The following KLF8 variants were observed in gnomAD, a reference collection of about 807,000 sequenced individuals.
The protein encoded by KLF8 is KLF transcription factor 8.
A neutral mutation model predicts 18.2 loss-of-function variants in KLF8; 10 were observed. The ratio of observed to expected loss-of-function variants is 0.55; its 90% CI spans 0.34 to 0.93. KLF8 has a LOEUF of 0.93. Among genes scored for constraint, KLF8 ranks in the 40% least tolerant of loss-of-function variants. KLF8 has a pLI of 0.02. For synonymous variants in KLF8, 109 were observed against 97.3 expected (o/e 1.12, Z -0.71); for missense variants, 264 against 277.9 (o/e 0.95, Z 0.36).
chrX:56,268,977 G>A, intron 3 of KLF8: 2 of 921,014 alleles, frequency 2.2e-6, no homozygotes, highest in South Asian at 4.9e-5. Context: ...TTTTAGGACA[G>A]CCAGGAGCTA....
At chrX:56,052,287 T>C in the KLF8 span, among the ~76,000 whole-genome samples, 1 of 112,565 alleles carries the variant, frequency 8.9e-6, no homozygotes. Flanking sequence ...TCATTCTCCA[T>C]CCAGCTTTGT....
Position 56,290,819 on chromosome X carries a change from G to C in KLF8, c.*6325G>C, listed in dbSNP as rs1475454768. On this transcript the variant is annotated 3_prime_UTR_variant, in exon 6 of 6. Transcript: ENST00000468660. ...AGGATGGGATTTATACCAGTGGCAG[G>C]ATATTTCTCTGTTTTCCAAACACTG... Among the ~76,000 whole-genome samples, 4 of 111,499 alleles carry C rather than the reference G, an allele frequency of 3.6e-5. No individual in the cohort carries two copies. The highest frequency in any genetic ancestry group is 7.5e-5 in the Non-Finnish European group (4 of 53,055).
the KLF8 span, among the ~76,000 whole-genome samples, chrX:55,943,761 A>C: frequency 8.9e-6 from 1 of 112,156 alleles, no homozygotes; most frequent in African/African-American, 3.2e-5. Context: ...GCTGTAATTA[A>C]AAACAACTTC....
chrX:56,278,648 T>C (rs183652036), intron 5 of KLF8, among the ~76,000 whole-genome samples: 8 of 111,601 alleles, frequency 7.2e-5, no homozygotes, highest in Admixed American at 4.8e-4. Flanking sequence ...CACTGCCTTA[T>C]CTGATCCAGC....
chrX:56,162,234 G>A, the KLF8 span, among the ~76,000 whole-genome samples: 3 of 112,174 alleles, frequency 2.7e-5, no homozygotes, highest in East Asian at 5.6e-4. Context: ...CACTTGCGGA[G>A]GCAGTCTGTC....
chrX:56,274,018 C>T (rs1254508156), intron 5 of KLF8, among the ~76,000 whole-genome samples: 1 of 111,970 alleles, frequency 8.9e-6, no homozygotes, highest in Non-Finnish European at 1.9e-5. Context: ...TACTGATTTC[C>T]TTTCTTTTGG....
chrX:56,079,996 G>T, the KLF8 span, among the ~76,000 whole-genome samples: 6 of 110,600 alleles, frequency 5.4e-5, no homozygotes, highest in African/African-American at 9.9e-5. Context: ...TTTTCCATTT[G>T]CTTGGTAGAT....
chrX:56,078,002 A>T, the KLF8 span, among the ~76,000 whole-genome samples: 1 of 109,590 alleles, frequency 9.1e-6, no homozygotes, highest in African/African-American at 3.5e-5. Flanking sequence ...GTATCCTGAG[A>T]CTTTGCTGAA....
the KLF8 span, among the ~76,000 whole-genome samples, chrX:56,154,097 A>G: frequency 9.0e-6 from 1 of 111,170 alleles, no homozygotes; most frequent in Non-Finnish European, 1.9e-5. Flanking sequence ...GTTCATATGG[A>G]ACCAAAAAAA....
At chrX:55,947,457 A>T in the KLF8 span, among the ~76,000 whole-genome samples, 1 of 92,418 alleles carries the variant, frequency 1.1e-5, no homozygotes, top group Non-Finnish European at 2.1e-5. Flanking sequence ...TGGACACAGG[A>T]AGGGGAACAT....
the KLF8 span, among the ~76,000 whole-genome samples, chrX:56,197,782 A>G: frequency 9.0e-6 from 1 of 111,115 alleles, no homozygotes; most frequent in Non-Finnish European, 1.9e-5. Flanking sequence ...GAGACACAAC[A>G]AAAAAAAGAG....
At chrX:56,154,998 C>T in the KLF8 span, among the ~76,000 whole-genome samples, 1 of 112,064 alleles carries the variant, frequency 8.9e-6, no homozygotes, top group Non-Finnish European at 1.9e-5. Context: ...CACTTTTACA[C>T]TGTTGGTGGG....
chrX:55,959,805 G>T, the KLF8 span, among the ~76,000 whole-genome samples: 1 of 111,430 alleles, frequency 9.0e-6, no homozygotes, highest in African/African-American at 3.3e-5. Flanking sequence ...CAAGCAACTT[G>T]GAAAACATAT....
At chrX:56,272,762 A>T (rs762387877) in intron 5 of KLF8, among the ~76,000 whole-genome samples, 1 of 111,416 alleles carries the variant, frequency 9.0e-6, no homozygotes, top group East Asian at 2.8e-4. Flanking sequence ...TCCACACAGT[A>T]GCCAGAGGAT....
chrX:56,211,574 G>A, the KLF8 span, among the ~76,000 whole-genome samples: 11 of 112,282 alleles, frequency 9.8e-5, no homozygotes, highest in Non-Finnish European at 2.1e-4. Flanking sequence ...TCTACAGTTA[G>A]CAGGTTGCAA....
chrX:55,992,863 G>A, the KLF8 span, among the ~76,000 whole-genome samples: 1 of 111,348 alleles, frequency 9.0e-6, no homozygotes, highest in East Asian at 2.8e-4. Flanking sequence ...TGTGGCTATT[G>A]TGAATAGGCT....
At chrX:56,227,628 C>A, upstream of KLF8, among the ~76,000 whole-genome samples, 1 of 111,703 alleles carries the variant, frequency 9.0e-6, no homozygotes, top group Non-Finnish European at 1.9e-5. Flanking sequence ...CAGGCGTGAG[C>A]CACGGTGCCC....
At chrX:56,202,559 T>TCCCCCCC in the KLF8 span, among the ~76,000 whole-genome samples, 3 of 75,795 alleles carry the variant, frequency 4.0e-5, no homozygotes, top group Non-Finnish European at 5.3e-5. Context: ...CCATTAACCT[T>TCCCCCCC]CCCCCCCCCT....
chrX:56,270,368 ACACACACACACAC>A, intron 5 of KLF8, 47 bp downstream of exon 5: 2 of 1,052,177 alleles, frequency 1.9e-6, no homozygotes, highest in African/African-American at 2.2e-5. Flanking sequence ...ACACACACAC[ACACACACACACAC>A]GAGAGAGAGA....
Sources: allele counts gnomAD v4.1 joint callset (sites outside exome capture counted in the v4.1 genomes callset), GRCh38; gene constraint gnomAD v4.1.1; transcripts MANE v1.5; gene names NCBI Gene and HGNC (gene_info 2026-07-23, HGNC 2026-07-21).